The following TSHZ3 variants were observed in gnomAD, a reference collection of about 807,000 sequenced individuals.
The protein encoded by TSHZ3 is teashirt zinc finger homeobox 3, also known as teashirt homolog 3.
TSHZ3 carries 10 observed loss-of-function variants against 64.5 expected under a neutral mutation model. The observed-to-expected ratio is 0.16, with a 90% CI of 0.10 to 0.26. The LOEUF (loss-of-function observed/expected upper bound fraction) is 0.26. TSHZ3 is among the 10% of genes least tolerant of loss of function. TSHZ3 has a pLI of 1.00. For synonymous variants in TSHZ3, 608 were observed against 593.1 expected, an observed-to-expected ratio of 1.03 and a Z score of -0.36; for missense variants, 1,242 against 1,421.7, an observed-to-expected ratio of 0.87 and a Z score of 2.03.
At chr19:31,211,156 G>T (rs889383046) in intron 4 of TSHZ3, among the ~76,000 whole-genome samples, 2 of 152,118 alleles carry the variant, frequency 1.3e-5, no homozygotes, top group Non-Finnish European at 2.9e-5. Flanking sequence ...TGTTTTCATA[G>T]TCCAAAGAGT....
intron 4 of TSHZ3, among the ~76,000 whole-genome samples, chr19:31,213,175 G>T (rs778750569): frequency 1.3e-5 from 2 of 151,492 alleles, no homozygotes; most frequent in East Asian, 3.9e-4. Flanking sequence ...GGGCAACATG[G>T]TGAAACCCCG....
At chr19:31,233,562 C>G (rs1206951619) in intron 3 of TSHZ3, among the ~76,000 whole-genome samples, 1 of 152,098 alleles carries the variant, frequency 6.6e-6, no homozygotes, top group Non-Finnish European at 1.5e-5. Flanking sequence ...TTGTCAATGT[C>G]TTCGGCAGGG....
intron 1 of TSHZ3, among the ~76,000 whole-genome samples, chr19:31,246,239 GA>G (rs1975756568): frequency 1.3e-5 from 2 of 152,166 alleles, no homozygotes; most frequent in African/African-American, 4.8e-5. Context: ...ATAAGGCTCA[GA>G]AAAATGTCTG....
chr19:31,169,882 C>A (rs1234794177), intron 5 of TSHZ3, among the ~76,000 whole-genome samples: 1 of 152,202 alleles, frequency 6.6e-6, no homozygotes, highest in Non-Finnish European at 1.5e-5. Context: ...GGAGACCTCA[C>A]ACACCATGGT....
intron 1 of TSHZ3, among the ~76,000 whole-genome samples, chr19:31,267,412 G>A (rs1976068647): frequency 6.6e-6 from 1 of 152,064 alleles, no homozygotes; most frequent in African/African-American, 2.4e-5. Context: ...TCCCTTGCAG[G>A]CCCTGCCCTC....
intron 1 of TSHZ3, among the ~76,000 whole-genome samples, chr19:31,319,380 A>C (rs755828727): frequency 6.6e-6 from 1 of 152,262 alleles, no homozygotes; most frequent in Non-Finnish European, 1.5e-5. Flanking sequence ...TAAAGGTTTC[A>C]TCAGTAATTT....
At chr19:31,253,460 G>T (rs751042766) in intron 1 of TSHZ3, among the ~76,000 whole-genome samples, 17 of 152,126 alleles carry the variant, frequency 1.1e-4, no homozygotes, top group Non-Finnish European at 2.4e-4. Flanking sequence ...CCTCCACAGG[G>T]GTTAACAGAA....
chr19:31,290,549 G>A (rs1297546119), intron 1 of TSHZ3, among the ~76,000 whole-genome samples: 1 of 152,110 alleles, frequency 6.6e-6, no homozygotes, highest in Non-Finnish European at 1.5e-5. Flanking sequence ...ACCTGGTACC[G>A]AGGAGGTGAC....
intron 3 of TSHZ3, among the ~76,000 whole-genome samples, chr19:31,236,490 G>T (rs1242339045): frequency 6.6e-6 from 1 of 152,050 alleles, no homozygotes; most frequent in Non-Finnish European, 1.5e-5. Flanking sequence ...CAGGTATTTG[G>T]TCTTTATTGT....
chr19:31,277,094 G>A lies in TSHZ3; in HGVS notation c.2699C>T (p.Pro900Leu), dbSNP rs757813717. 1 of 1,605,414 alleles carries A rather than the reference G, an allele frequency of 6.2e-7. No individual in the cohort carries two copies. The highest frequency in any genetic ancestry group is 8.5e-7 in the Non-Finnish European group (1 of 1,174,968). ...GGCCTGGAGGATCAGGAGGTGCTGG[G>A]GGTTCCAGTTTGACTGGCGGCCCTT... The part of the protein sequence containing the change: ...KRKGRQSNWN[P>L]QHLLILQAQF... The change falls in exon 2 of 2, where the codon CCC becomes CTC. Residue 900 changes from proline (P) to leucine (L), a missense_variant. Transcript: ENST00000240587. The surrounding 1 kb of genome is among the most constrained non-coding windows in gnomAD (Gnocchi z 4.5).
In TSHZ3 at chr19:31,329,372, A is replaced by G. The variant is rs185794543; in HGVS notation, c.40+19808T>C. ...CAGGGCTAAAGTTTACATTTATATC[A>G]CGTTACCTCCATTACAATCATCCAG... On this transcript the variant is annotated intron_variant, in intron 1 of 1. Coordinates refer to ENST00000240587, the MANE Select transcript of TSHZ3 (RefSeq NM_020856.4). 5.3e-5 allele frequency among the ~76,000 whole-genome samples: 8 copies of G among 152,354 alleles called. No individual in the cohort carries two copies. The East Asian group carries it at 1.4e-3, about 26-fold the overall frequency.
At chr19:31,341,634 C>T (rs1047077139) in intron 1 of TSHZ3, among the ~76,000 whole-genome samples, 2 of 76,524 alleles carry the variant, frequency 2.6e-5, no homozygotes, top group South Asian at 7.6e-4. Flanking sequence ...CTCTCTGACA[C>T]ACACACACAC....
chr19:31,280,408 G>T (rs1476095425), intron 1 of TSHZ3, among the ~76,000 whole-genome samples: 2 of 151,812 alleles, frequency 1.3e-5, no homozygotes, highest in African/African-American at 4.8e-5. Flanking sequence ...TCCTGGCAGG[G>T]ATAGGTGTGG....
chr19:31,259,804 G>A (rs1284340940), intron 1 of TSHZ3, among the ~76,000 whole-genome samples: 4 of 152,030 alleles, frequency 2.6e-5, no homozygotes, highest in East Asian at 1.9e-4. Context: ...GATCCATCAC[G>A]TGCCCACCCT....
At chr19:31,199,645 A>G (rs1975047133) in intron 5 of TSHZ3, among the ~76,000 whole-genome samples, 1 of 149,934 alleles carries the variant, frequency 6.7e-6, no homozygotes, top group South Asian at 2.1e-4. Context: ...AATCGAAATG[A>G]CCTAGGGTTT....
At chr19:31,274,657 G>C (rs543956180), downstream of TSHZ3, among the ~76,000 whole-genome samples, 1 of 152,024 alleles carries the variant, frequency 6.6e-6, no homozygotes, top group South Asian at 2.1e-4. Context: ...TGGGGGTCTG[G>C]CAATATCCCT....
At chr19:31,226,839 C>T (rs1293713469) in intron 4 of TSHZ3, among the ~76,000 whole-genome samples, 1 of 152,096 alleles carries the variant, frequency 6.6e-6, no homozygotes, top group Non-Finnish European at 1.5e-5. Flanking sequence ...TTTAAGGTCA[C>T]ATATATTAGC....
intron 1 of TSHZ3, among the ~76,000 whole-genome samples, chr19:31,322,746 G>C (rs1314255274): frequency 6.6e-6 from 1 of 152,226 alleles, no homozygotes; most frequent in Non-Finnish European, 1.5e-5. Context: ...ATGGATGAAT[G>C]AGTGAAGGAA....
intron 4 of TSHZ3, among the ~76,000 whole-genome samples, chr19:31,215,688 T>C (rs1031701138): frequency 1.6e-4 from 24 of 152,154 alleles, no homozygotes; most frequent in Non-Finnish European, 3.1e-4. Flanking sequence ...CTGACCAACA[T>C]GGTGAAACCC....
Sources: allele counts gnomAD v4.1 joint callset (sites outside exome capture counted in the v4.1 genomes callset), GRCh38; gene constraint gnomAD v4.1.1; non-coding constraint Gnocchi (gnomAD v3.1); transcripts MANE v1.5; gene names NCBI Gene and HGNC (gene_info 2026-07-23, HGNC 2026-07-21).